The following CLEC16A variants were observed in gnomAD, a reference collection of about 807,000 sequenced individuals.
CLEC16A encodes C-type lectin domain containing 16A.
A neutral mutation model predicts 109.5 loss-of-function variants in CLEC16A; 51 were observed. The ratio of observed to expected loss-of-function variants is 0.47; its 90% CI spans 0.37 to 0.59. The LOEUF (loss-of-function observed/expected upper bound fraction) is 0.59, where lower values mean the gene tolerates loss of function less well. Ranked by LOEUF, CLEC16A falls within the 20% of genes least tolerant of loss-of-function variation. The probability of loss-of-function intolerance (pLI) is 0.00; values close to 1 mark genes in which losing one functional copy is unlikely to be tolerated. For missense variants in CLEC16A, 1,339 were observed against 1,394.0 expected (o/e 0.96, Z 0.63); for synonymous variants, 673 against 564.2 (o/e 1.19, Z -2.73).
chr16:11,046,068 C>T (rs1279185012), intron 16 of CLEC16A, among the ~76,000 whole-genome samples: 1 of 152,164 alleles, frequency 6.6e-6, no homozygotes, highest in Non-Finnish European at 1.5e-5. Flanking sequence ...CCCTCACTAG[C>T]AAAGCCCACG....
intron 19 of CLEC16A, among the ~76,000 whole-genome samples, chr16:11,089,927 G>A (rs2050211224): frequency 6.6e-6 from 1 of 152,326 alleles, no homozygotes; most frequent in South Asian, 2.1e-4. Context: ...AAGGCTTCCA[G>A]CGGTTGGAAT....
At chr16:11,127,598 C>T (rs973027504) in intron 22 of CLEC16A, among the ~76,000 whole-genome samples, 10 of 152,188 alleles carry the variant, frequency 6.6e-5, no homozygotes, top group Non-Finnish European at 1.2e-4. Flanking sequence ...CTGGGCATGG[C>T]GGCTCATGCC....
At chr16:11,015,136 T>A (rs2045665515) in intron 11 of CLEC16A, among the ~76,000 whole-genome samples, 1 of 152,194 alleles carries the variant, frequency 6.6e-6, no homozygotes, top group African/African-American at 2.4e-5. Context: ...AAGAAACCTT[T>A]CCTTGACATT....
intron 13 of CLEC16A, among the ~76,000 whole-genome samples, chr16:11,028,360 G>T (rs2046543811): frequency 6.6e-6 from 1 of 152,076 alleles, no homozygotes; most frequent in Non-Finnish European, 1.5e-5. Context: ...CTATCCTAGG[G>T]TTTAATGTTG....
At chr16:11,116,788 T>A (rs1024868250) in intron 19 of CLEC16A, among the ~76,000 whole-genome samples, 19 of 152,156 alleles carry the variant, frequency 1.2e-4, no homozygotes, top group African/African-American at 4.1e-4. Context: ...CCTAATAAAG[T>A]TGAGCCAAAT....
intron 22 of CLEC16A, among the ~76,000 whole-genome samples, chr16:11,163,060 C>A (rs1446398894): frequency 6.6e-6 from 1 of 152,206 alleles, no homozygotes; most frequent in Non-Finnish European, 1.5e-5. Flanking sequence ...TGTGTGTTTG[C>A]ACCTACTTCG....
chr16:11,117,564 C>T lies in CLEC16A; in HGVS notation c.2117-3051C>T, dbSNP rs193215984. On this transcript the variant is annotated intron_variant, in intron 19 of 23. Transcript: ENST00000409790. The stretch of plus-strand genomic sequence containing the variant: ...TTAACTTGGGCTTATTATATGTGTT[C>T]GAAAGTATGTCTTGAATACTTTTCT... Among the ~76,000 whole-genome samples the T allele has an allele frequency of 1.3e-3, 201 of 152,136 alleles. 2 individuals are homozygous for T. The highest frequency in any genetic ancestry group is 4.6e-3 in the African/African-American group (192 of 41,500).
At chr16:11,122,332 A>G (rs2052482279) in intron 20 of CLEC16A, among the ~76,000 whole-genome samples, 1 of 152,224 alleles carries the variant, frequency 6.6e-6, no homozygotes. Context: ...CATGTAAGAC[A>G]TTATCCATTA....
At chr16:10,999,709 T>A (rs1664082450) in intron 10 of CLEC16A, among the ~76,000 whole-genome samples, 1 of 152,244 alleles carries the variant, frequency 6.6e-6, no homozygotes, top group Non-Finnish European at 1.5e-5. Context: ...GTAGATCCCT[T>A]TGGAAAGTTT....
chr16:11,003,302 G>C lies in CLEC16A; in HGVS notation c.1300G>C (p.Glu434Gln). 1 of 1,610,500 alleles carries C rather than the reference G, an allele frequency of 6.2e-7. No homozygotes were observed. Among genetic ancestry groups the C allele is most frequent in the Non-Finnish European group, 8.5e-7 (1 of 1,178,544 alleles). Reference protein sequence around the residue: ...SKGIKTSGESEEIEMVIMERS... With the variant: ...SKGIKTSGESQEIEMVIMERS... The stretch of plus-strand genomic sequence containing the variant: ...AGGCATCAAGACGAGTGGGGAGAGT[G>C]AAGGTGAGTGTCCCCATGAACGCCG... The change falls in exon 11 of 24, where the codon GAA becomes CAA. Residue 434 changes from glutamate to glutamine, a missense_variant. Coordinates refer to ENST00000409790, the MANE Select transcript of CLEC16A (RefSeq NM_015226.3).
At chr16:11,154,814 C>G (rs1330091783) in intron 22 of CLEC16A, among the ~76,000 whole-genome samples, 2 of 152,110 alleles carry the variant, frequency 1.3e-5, no homozygotes, top group African/African-American at 4.8e-5. Context: ...ATAATCCCAG[C>G]TACTTGGGAG....
intron 21 of CLEC16A, among the ~76,000 whole-genome samples, chr16:11,124,981 C>T (rs903407107): frequency 6.6e-6 from 1 of 152,008 alleles, no homozygotes; most frequent in African/African-American, 2.4e-5. Context: ...CCCAGCTATT[C>T]GGGAGGCTGA....
intron 16 of CLEC16A, 49 bp downstream of exon 16, chr16:11,044,121 A>T: frequency 6.6e-7 from 1 of 1,520,032 alleles, no homozygotes; most frequent in Middle Eastern, 1.7e-4. Context: ...TATTGTAGAA[A>T]CAGAAGTGTG....
chr16:11,163,439 C>CT (rs2054796215), intron 22 of CLEC16A, among the ~76,000 whole-genome samples: 1 of 152,182 alleles, frequency 6.6e-6, no homozygotes, highest in African/African-American at 2.4e-5. Flanking sequence ...TCAGTAACCT[C>CT]TGCTCAGCTA....
At chr16:11,109,508 A>C (rs1308059831) in intron 19 of CLEC16A, among the ~76,000 whole-genome samples, 1 of 152,152 alleles carries the variant, frequency 6.6e-6, no homozygotes, top group Admixed American at 6.5e-5. Context: ...ATGGTGCTGC[A>C]TCCCCAACTC....
At chr16:11,114,336 C>T (rs1464841187) in intron 19 of CLEC16A, among the ~76,000 whole-genome samples, 1 of 152,130 alleles carries the variant, frequency 6.6e-6, no homozygotes, top group Non-Finnish European at 1.5e-5. Flanking sequence ...GAATCCTAAG[C>T]CCCACCCCTG....
chr16:10,989,016 G>C (rs1029248746), intron 10 of CLEC16A, among the ~76,000 whole-genome samples: 1 of 152,128 alleles, frequency 6.6e-6, no homozygotes, highest in Non-Finnish European at 1.5e-5. Flanking sequence ...GCGCCCTTCA[G>C]TGGGGTGGCT....
rs750241512 is a variant in CLEC16A at position 10,950,085 on chromosome 16, G to A, written c.80+5288G>A. On this transcript the variant is annotated intron_variant, in intron 1 of 23. Coordinates refer to ENST00000409790, the MANE Select transcript of CLEC16A (RefSeq NM_015226.3). ...AACACATTATTATATACTTCTCATC[G>A]CCAAAGAGTGGGTCGGCTGTTAGCT... Among the ~76,000 whole-genome samples the A allele has an allele frequency of 3.3e-5, 5 of 152,196 alleles. No homozygotes were observed. In the South Asian group the frequency reaches 6.2e-4, roughly 19 times the overall value.
At chr16:11,096,021 A>G (rs1346383943) in intron 19 of CLEC16A, among the ~76,000 whole-genome samples, 1 of 151,990 alleles carries the variant, frequency 6.6e-6, no homozygotes, top group East Asian at 1.9e-4. Flanking sequence ...TACTGTGCAA[A>G]TACCTTGTCT....
Sources: gnomAD v4.1 joint callset for allele counts (sites outside exome capture counted in the v4.1 genomes callset) on GRCh38, gnomAD v4.1.1 for gene constraint, MANE v1.5 for transcripts, NCBI Gene and HGNC (gene_info 2026-07-23, HGNC 2026-07-21) for gene names.